Variants in ANO4 observed in about 807,000 individuals in gnomAD.
ANO4 encodes anoctamin-4.
In ANO4, 69 loss-of-function variants were observed where a neutral mutation model predicts 141.9. The observed-to-expected ratio is 0.49, with a 90% CI of 0.40 to 0.59. The LOEUF (loss-of-function observed/expected upper bound fraction) is 0.59, where lower values mean the gene tolerates loss of function less well. Among genes scored for constraint, ANO4 ranks in the 20% least tolerant of loss-of-function variants. The probability of loss-of-function intolerance (pLI) is 0.00; values close to 1 mark genes in which losing one functional copy is unlikely to be tolerated. For synonymous variants in ANO4, 350 were observed against 394.3 expected (o/e 0.89, Z 1.33); for missense variants, 894 against 1,162.2 (o/e 0.77, Z 3.36).
intron 3 of ANO4, among the ~76,000 whole-genome samples, chr12:100,761,070 C>G (rs2032838227): frequency 6.6e-6 from 1 of 152,160 alleles, no homozygotes. Flanking sequence ...CCATTAACGG[C>G]AAAGCCTATC....
intron 1 of ANO4, among the ~76,000 whole-genome samples, chr12:100,891,308 TAA>T (rs1724808485): frequency 6.6e-6 from 1 of 152,206 alleles, no homozygotes; most frequent in Admixed American, 6.5e-5. Context: ...TGTGGGAACA[TAA>T]GTTTTCATCT....
At chr12:101,094,391 T>A in intron 18 of ANO4, 99 bp downstream of exon 18, 2 of 955,636 alleles carry the variant, frequency 2.1e-6, no homozygotes, top group Non-Finnish European at 3.0e-6. Context: ...AAATAGTCCC[T>A]TTATTTTAAA....
intron 1 of ANO4, among the ~76,000 whole-genome samples, chr12:100,866,593 T>G (rs1348194199): frequency 6.6e-6 from 1 of 152,188 alleles, no homozygotes; most frequent in Non-Finnish European, 1.5e-5. Flanking sequence ...GTTAGTTCAG[T>G]AGGATGATGA....
At chr12:101,095,525 GC>G (rs1483213821) in intron 18 of ANO4, among the ~76,000 whole-genome samples, 10 of 152,072 alleles carry the variant, frequency 6.6e-5, no homozygotes, top group Non-Finnish European at 1.2e-4. Context: ...TGTCTTTTTG[GC>G]CCTCCGCAAC....
intron 2 of ANO4, among the ~76,000 whole-genome samples, chr12:100,903,002 A>T (rs1051098542): frequency 1.3e-5 from 2 of 152,144 alleles, no homozygotes; most frequent in Non-Finnish European, 2.9e-5. Flanking sequence ...CATTCTGATC[A>T]TTTAACACTG....
intron 1 of ANO4, among the ~76,000 whole-genome samples, chr12:100,888,878 T>TTTA (rs375829250): frequency 0.011 from 1,638 of 151,032 alleles, 102 homozygotes; most frequent in Admixed American, 0.099. Flanking sequence ...GTCTCTTATT[T>TTTA]TTATTATTAT....
intron 3 of ANO4, among the ~76,000 whole-genome samples, chr12:100,744,270 G>C (rs1406536468): frequency 6.6e-6 from 1 of 152,002 alleles, no homozygotes; most frequent in Non-Finnish European, 1.5e-5. Flanking sequence ...TGTGTTAGTT[G>C]GACTGCCATA....
chr12:100,769,336 A>G (rs2033207412), intron 3 of ANO4, among the ~76,000 whole-genome samples: 1 of 152,194 alleles, frequency 6.6e-6, no homozygotes, highest in African/African-American at 2.4e-5. Context: ...GCAGAAAGGT[A>G]AATAGGATAT....
chr12:101,042,693 A>G (rs1195643185), intron 12 of ANO4, among the ~76,000 whole-genome samples: 2 of 152,214 alleles, frequency 1.3e-5, no homozygotes, highest in Non-Finnish European at 2.9e-5. Flanking sequence ...TTTCAGACAT[A>G]CAAGCCACTA....
chr12:101,106,084 C>T (rs556260553), intron 22 of ANO4, among the ~76,000 whole-genome samples: 61 of 151,716 alleles, frequency 4.0e-4, no homozygotes, highest in Non-Finnish European at 7.7e-4. Context: ...CCAGCCTGGG[C>T]GACAAGAGCG....
At chr12:100,922,162 G>T in intron 2 of ANO4, 64 bp from the exon 3 acceptor site, 1 of 1,205,286 alleles carries the variant, frequency 8.3e-7, no homozygotes, top group Non-Finnish European at 1.1e-6. Context: ...CTTCTCCTTG[G>T]GACCCTAATG....
intron 17 of ANO4, among the ~76,000 whole-genome samples, chr12:101,088,161 C>T (rs1593237452): frequency 6.6e-6 from 1 of 152,162 alleles, no homozygotes; most frequent in Non-Finnish European, 1.5e-5. Flanking sequence ...CTTTTACTCA[C>T]TGTGATTCAC....
intron 1 of ANO4, among the ~76,000 whole-genome samples, chr12:100,888,079 A>C (rs1343182450): frequency 6.6e-6 from 1 of 152,230 alleles, no homozygotes; most frequent in Non-Finnish European, 1.5e-5. Flanking sequence ...ATTGGCATTC[A>C]GAGCAGGGAG....
At chr12:100,988,111 C>G (rs191595175) in intron 8 of ANO4, among the ~76,000 whole-genome samples, 72 of 152,216 alleles carry the variant, frequency 4.7e-4, no homozygotes, top group African/African-American at 1.7e-3. Context: ...TTCTCAGTTC[C>G]CCTTTCTTCA....
chr12:100,923,190 G>A (rs2041707302), intron 3 of ANO4, among the ~76,000 whole-genome samples: 2 of 152,136 alleles, frequency 1.3e-5, no homozygotes, highest in South Asian at 4.2e-4. Context: ...ACAACGTACA[G>A]GTTTGATACA....
chr12:100,826,378 A>T (rs918488472), intron 1 of ANO4, among the ~76,000 whole-genome samples: 3 of 152,100 alleles, frequency 2.0e-5, no homozygotes, highest in African/African-American at 2.4e-5. Context: ...GATTTGATGG[A>T]TGCAGCTAAC....
intron 3 of ANO4, among the ~76,000 whole-genome samples, chr12:100,937,597 A>G (rs1024031482): frequency 1.3e-5 from 2 of 152,234 alleles, no homozygotes; most frequent in Admixed American, 6.5e-5. Context: ...TTGTAGCCTT[A>G]TAGGTCTAAA....
intron 2 of ANO4, among the ~76,000 whole-genome samples, chr12:100,911,886 T>C (rs2041116930): frequency 6.6e-6 from 1 of 152,186 alleles, no homozygotes; most frequent in African/African-American, 2.4e-5. Context: ...TGACCAATCT[T>C]TAGAATAACG....
At chr12:100,862,391 A>G (rs113171339) in intron 1 of ANO4, among the ~76,000 whole-genome samples, 8,009 of 152,172 alleles carry the variant, frequency 0.053, 248 homozygotes, top group Middle Eastern at 0.096. Flanking sequence ...GTGCAATCTC[A>G]GCTCACTGCA....
Sources: gnomAD v4.1 joint callset for allele counts (sites outside exome capture counted in the v4.1 genomes callset) on GRCh38, gnomAD v4.1.1 for gene constraint, MANE v1.5 for transcripts, NCBI Gene and HGNC (gene_info 2026-07-23, HGNC 2026-07-21) for gene names.